Variants in KIAA1958 observed in about 807,000 individuals in gnomAD.
The protein encoded by KIAA1958 is KIAA1958, also known as uncharacterized protein KIAA1958.
KIAA1958 carries 14 observed loss-of-function variants against 47.2 expected under a neutral mutation model. The observed-to-expected ratio is 0.30, with a 90% CI of 0.20 to 0.46. The LOEUF (loss-of-function observed/expected upper bound fraction) is 0.46, where lower values mean the gene tolerates loss of function less well. Among genes scored for constraint, KIAA1958 ranks in the 20% least tolerant of loss-of-function variants. The pLI, the probability that KIAA1958 is intolerant of heterozygous loss-of-function variation, is 1.00. For synonymous variants in KIAA1958, 354 were observed against 353.3 expected, an observed-to-expected ratio of 1.00 and a Z score of -0.02; for missense variants, 803 against 909.2, an observed-to-expected ratio of 0.88 and a Z score of 1.50.
At chr9:112,608,376 T>C (rs1203819682) in intron 2 of KIAA1958, among the ~76,000 whole-genome samples, 1 of 152,190 alleles carries the variant, frequency 6.6e-6, no homozygotes, top group African/African-American at 2.4e-5. Context: ...AGCTAACAAT[T>C]ACATAGACCA....
At chr9:112,520,303 T>TA (rs772335020) in intron 1 of KIAA1958, among the ~76,000 whole-genome samples, 244 of 152,342 alleles carry the variant, frequency 1.6e-3, no homozygotes, top group Non-Finnish European at 2.2e-3. Context: ...ACAATGAATG[T>TA]GGTATAGTCT....
At chr9:112,612,019 T>C (rs942550703) in intron 2 of KIAA1958, among the ~76,000 whole-genome samples, 5 of 135,150 alleles carry the variant, frequency 3.7e-5, no homozygotes, top group Non-Finnish European at 6.2e-5. Flanking sequence ...GAAAAATATA[T>C]ATTATTGACA....
At position 112,668,442 on chromosome 9, in the gene KIAA1958, C is replaced by T. The variant is rs1837379054; in HGVS notation, c.*8373C>T. On this transcript the variant is annotated 3_prime_UTR_variant, in exon 4 of 4. Transcript: ENST00000337530. ...TTATGGAACGCCATTTAAATTCAGACATCAAGGGAATGAATGCAGTTTTAA... is the reference window on the plus strand; with the variant it reads ...TTATGGAACGCCATTTAAATTCAGATATCAAGGGAATGAATGCAGTTTTAA... 6.6e-6 allele frequency: 1 copy of T among 152,220 alleles called. No individual in the cohort carries two copies. The highest frequency in any genetic ancestry group is 1.5e-5 in the Non-Finnish European group (1 of 68,044). The allele number at this position is 152,220 out of a possible 1,614,324, so 9.4% of individuals were successfully genotyped here.
chr9:112,547,820 A>G (rs748208819), intron 1 of KIAA1958, among the ~76,000 whole-genome samples: 10 of 152,166 alleles, frequency 6.6e-5, no homozygotes, highest in Non-Finnish European at 1.5e-4. Flanking sequence ...TTTAAGTCTG[A>G]TTAAGAAACA....
chr9:112,637,550 G>A (rs984146533), intron 2 of KIAA1958, among the ~76,000 whole-genome samples: 1 of 151,850 alleles, frequency 6.6e-6, no homozygotes, highest in Non-Finnish European at 1.5e-5. Flanking sequence ...GCAGATTTTT[G>A]TATTTTTAGT....
intron 1 of KIAA1958, among the ~76,000 whole-genome samples, chr9:112,558,913 G>A (rs965296470): frequency 6.6e-6 from 1 of 151,998 alleles, no homozygotes; most frequent in Non-Finnish European, 1.5e-5. Context: ...ACAACACTTT[G>A]GGTACAAAGT....
chr9:112,508,282 C>CT (rs1324496887), intron 1 of KIAA1958, among the ~76,000 whole-genome samples: 15 of 152,264 alleles, frequency 9.9e-5, no homozygotes, highest in African/African-American at 3.6e-4. Flanking sequence ...GATAAATACA[C>CT]TACTAGTATG....
chr9:112,654,631 G>T (rs534996366), intron 3 of KIAA1958, among the ~76,000 whole-genome samples: 2 of 147,826 alleles, frequency 1.4e-5, no homozygotes, highest in Non-Finnish European at 3.0e-5. Flanking sequence ...AAGGAGTCTC[G>T]ACTACTATAA....
At chr9:112,538,169 A>G (rs1016956332) in intron 1 of KIAA1958, among the ~76,000 whole-genome samples, 2 of 152,062 alleles carry the variant, frequency 1.3e-5, no homozygotes, top group Admixed American at 1.3e-4. Context: ...CATCTCTACA[A>G]AAAATAAAAA....
rs548527173 is a variant in KIAA1958, at chr9:112,652,284, A to G, written c.1344+6462A>G. Among the ~76,000 whole-genome samples, 7 of 152,340 alleles carry G rather than the reference A, an allele frequency of 4.6e-5. No homozygotes were observed. In the South Asian group the frequency reaches 1.2e-3, roughly 27 times the overall value. ...TTTATCATCCATAGTGAGTCTTGACATGGTGAATCAATTCAGAATGGTTAC... is the reference window on the plus strand; with the variant it reads ...TTTATCATCCATAGTGAGTCTTGACGTGGTGAATCAATTCAGAATGGTTAC... On this transcript the variant is annotated intron_variant, in intron 3 of 3. Transcript: ENST00000337530.
intron 2 of KIAA1958, among the ~76,000 whole-genome samples, chr9:112,640,200 G>T (rs1462422013): frequency 6.6e-6 from 1 of 152,188 alleles, no homozygotes; most frequent in Admixed American, 6.5e-5. Context: ...CAGCACGTAA[G>T]GTGGGTGGAT....
intron 2 of KIAA1958, among the ~76,000 whole-genome samples, chr9:112,612,279 G>GGT (rs1007223112): frequency 2.0e-5 from 3 of 151,962 alleles, no homozygotes; most frequent in African/African-American, 7.2e-5. Context: ...TAATTAGCCA[G>GGT]GTGTGGTGGT....
chr9:112,637,340 T>C (rs895705934), intron 2 of KIAA1958, among the ~76,000 whole-genome samples: 1 of 152,156 alleles, frequency 6.6e-6, no homozygotes, highest in Non-Finnish European at 1.5e-5. Context: ...ATGAATTTGC[T>C]CATTATTTTG....
At position 112,585,453 on chromosome 9, in the gene KIAA1958, A is replaced by G. The variant is rs985941004; in HGVS notation, c.1171+10202A>G. Among the ~76,000 whole-genome samples the G allele has an allele frequency of 2.0e-5, 3 of 152,328 alleles. No individual in the cohort carries two copies. The South Asian group carries it at 6.2e-4, about 32-fold the overall frequency. The stretch of plus-strand genomic sequence containing the variant: ...GAATATATCTCAATGGAGCCAGGAG[A>G]GTTGCTGCTGGAAAGATGGGCTGGA... On this transcript the variant is annotated intron_variant, in intron 2 of 3. Transcript: ENST00000337530.
chr9:112,566,140 T>C (rs1395115837), intron 1 of KIAA1958, among the ~76,000 whole-genome samples: 4 of 152,008 alleles, frequency 2.6e-5, no homozygotes, highest in Non-Finnish European at 5.9e-5. Context: ...CCTGACCTCG[T>C]GATCTGCCCG....
intron 2 of KIAA1958, among the ~76,000 whole-genome samples, chr9:112,597,454 A>G (rs1406502278): frequency 2.0e-5 from 3 of 152,132 alleles, no homozygotes; most frequent in African/African-American, 7.2e-5. Flanking sequence ...TTGATTCCCA[A>G]ATTTATGCTC....
chr9:112,543,399 A>T (rs1378391425), intron 1 of KIAA1958, among the ~76,000 whole-genome samples: 1 of 152,138 alleles, frequency 6.6e-6, no homozygotes, highest in Non-Finnish European at 1.5e-5. Flanking sequence ...AATATTAACC[A>T]CTAATAACCA....
intron 1 of KIAA1958, among the ~76,000 whole-genome samples, chr9:112,524,425 G>T (rs796350175): frequency 1.3e-5 from 2 of 152,332 alleles, no homozygotes; most frequent in African/African-American, 4.8e-5. Flanking sequence ...AATATGGAGC[G>T]ACTGTGACTG....
chr9:112,531,502 A>G (rs1198978679), intron 1 of KIAA1958, among the ~76,000 whole-genome samples: 1 of 152,264 alleles, frequency 6.6e-6, no homozygotes, highest in Non-Finnish European at 1.5e-5. Flanking sequence ...ATTAAGTCAT[A>G]TGACACTGCT....
Sources: gnomAD v4.1 joint callset for allele counts (sites outside exome capture counted in the v4.1 genomes callset) on GRCh38, gnomAD v4.1.1 for gene constraint, MANE v1.5 for transcripts, NCBI Gene and HGNC (gene_info 2026-07-23, HGNC 2026-07-21) for gene names.